DCDC1: variants seen among roughly 807,000 people sequenced by gnomAD.
The protein encoded by DCDC1 is doublecortin domain-containing protein 1.
DCDC1 carries 200 observed loss-of-function variants against 178.3 expected under a neutral mutation model. That is an observed-to-expected ratio of 1.12 (90% CI 1.00 to 1.26). The LOEUF (loss-of-function observed/expected upper bound fraction) is 1.26, where lower values mean the gene tolerates loss of function less well. DCDC1 is among the 50% of genes most tolerant of loss of function. The pLI is 0.00. For synonymous variants in DCDC1, 690 were observed against 604.8 expected (o/e 1.14, Z -2.07); for missense variants, 1,983 against 1,749.2 (o/e 1.13, Z -2.38).
chr11:30,949,123 T>C (rs1948248998), intron 21 of DCDC1, among the ~76,000 whole-genome samples: 1 of 152,084 alleles, frequency 6.6e-6, no homozygotes, highest in African/African-American at 2.4e-5. Flanking sequence ...ATGTCTAATA[T>C]CCAGAATCTA....
chr11:31,282,523 T>G (rs1285413088), intron 7 of DCDC1, among the ~76,000 whole-genome samples: 1 of 152,016 alleles, frequency 6.6e-6, no homozygotes, highest in Non-Finnish European at 1.5e-5. Context: ...CCTGATATAT[T>G]TGGTTATTTA....
At chr11:31,002,667 AC>A (rs1490482239) in intron 20 of DCDC1, among the ~76,000 whole-genome samples, 2 of 152,126 alleles carry the variant, frequency 1.3e-5, no homozygotes, top group African/African-American at 4.8e-5. Context: ...CTTACACACT[AC>A]CTTCATTTTT....
At chr11:31,080,783 C>T (rs1957121874) in intron 17 of DCDC1, among the ~76,000 whole-genome samples, 1 of 152,150 alleles carries the variant, frequency 6.6e-6, no homozygotes, top group South Asian at 2.1e-4. Flanking sequence ...TAACTCAATG[C>T]AGCTTCATTG....
chr11:31,311,517 G>T (rs1948770958), intron 3 of DCDC1, among the ~76,000 whole-genome samples: 1 of 152,152 alleles, frequency 6.6e-6, no homozygotes, highest in South Asian at 2.1e-4. Context: ...ACACTGCTCT[G>T]ATTCTTTTGA....
chr11:31,217,046 T>C (rs1161063902), intron 9 of DCDC1, among the ~76,000 whole-genome samples: 1 of 152,120 alleles, frequency 6.6e-6, no homozygotes, highest in Non-Finnish European at 1.5e-5. Context: ...AAAAGGGCAA[T>C]AAAGAAGGAT....
chr11:31,049,832 A>T (rs1287099237), intron 20 of DCDC1, among the ~76,000 whole-genome samples: 1 of 152,178 alleles, frequency 6.6e-6, no homozygotes, highest in Non-Finnish European at 1.5e-5. Flanking sequence ...GGGGTACAGG[A>T]AGCAGCAGAA....
chr11:30,916,879 T>C lies in DCDC1; in HGVS notation c.3443A>G (p.Lys1148Arg). The change falls in exon 26 of 39, where the codon AAG (lysine) becomes AGG (arginine). Residue 1148 changes from lysine (K) to arginine (R), a missense_variant. Lys to Arg is a conservative substitution (Grantham distance 26). Transcript: ENST00000684477. ...CTTTGCAACTTTTTACCTGTGTTTC[T>C]TCTGTGGTTCCACATTTTCAAAGAG... Reference protein sequence around the residue: ...KGLFENVEPQKKHSCSPKHSK... With the variant: ...KGLFENVEPQRKHSCSPKHSK... The C allele has an allele frequency of 6.2e-7, 1 of 1,603,850 alleles. No homozygotes were observed.
intron 7 of DCDC1, among the ~76,000 whole-genome samples, chr11:31,278,938 C>T (rs1229375212): frequency 6.6e-6 from 1 of 152,130 alleles, no homozygotes; most frequent in South Asian, 2.1e-4. Context: ...GCATTTCTAG[C>T]ATTTCCACGT....
rs146304957 is a variant in DCDC1, at chr11:31,001,557, C to T, written c.2592-48989G>A. On this transcript the variant is annotated intron_variant, in intron 20 of 38. Transcript: ENST00000684477. The stretch of plus-strand genomic sequence containing the variant: ...TCTCTGCCACCGCAGCGAGGCTGAG[C>T]TCCACTCAACAAGCAGGTAGTGAGT... 4.3e-3 allele frequency among the ~76,000 whole-genome samples: 659 copies of T among 152,288 alleles called. 10 individuals carry two copies. Among genetic ancestry groups the T allele is most frequent in the African/African-American group, 0.015 (605 of 41,556 alleles).
At chr11:31,009,731 G>T (rs1230290628) in intron 20 of DCDC1, among the ~76,000 whole-genome samples, 1 of 152,038 alleles carries the variant, frequency 6.6e-6, no homozygotes, top group Non-Finnish European at 1.5e-5. Context: ...ACATTGGGGA[G>T]GTACATTAGT....
At position 31,336,106 on chromosome 11, in the gene DCDC1, G is replaced by C. The variant is rs186636541; in HGVS notation, c.-124-542C>G. On this transcript the variant is annotated intron_variant, in intron 1 of 38. Coordinates refer to ENST00000684477, the MANE Select transcript of DCDC1 (RefSeq NM_001387274.1). ...AATAAACAATAAACATCATAAATAA[G>C]CAAATTGTACAGATGTTAATAGGTA... is the stretch of plus-strand genomic sequence containing the variant. Among the ~76,000 whole-genome samples, 383 of 152,248 alleles carry C rather than the reference G, an allele frequency of 2.5e-3. 2 individuals are homozygous for C. Among genetic ancestry groups the C allele is most frequent in the African/African-American group, 8.3e-3 (345 of 41,540 alleles).
At chr11:30,950,104 G>C (rs1215728452) in intron 21 of DCDC1, among the ~76,000 whole-genome samples, 1 of 152,222 alleles carries the variant, frequency 6.6e-6, no homozygotes, top group East Asian at 1.9e-4. Flanking sequence ...CTAATCATCA[G>C]ATAAATGAAA....
intron 32 of DCDC1, 75 bp downstream of exon 32, chr11:30,903,407 A>G: frequency 7.7e-7 from 1 of 1,302,984 alleles, no homozygotes; most frequent in Non-Finnish European, 1.0e-6. Flanking sequence ...AACTGACTAA[A>G]TGAAATAATC....
chr11:31,258,714 G>T (rs768436732), intron 8 of DCDC1, among the ~76,000 whole-genome samples: 4 of 152,130 alleles, frequency 2.6e-5, no homozygotes, highest in African/African-American at 4.8e-5. Flanking sequence ...TTGGAAACCC[G>T]CCAAAAGTTA....
chr11:30,901,967 T>A lies in DCDC1; in HGVS notation c.4511-1469A>T, dbSNP rs1944708472. On this transcript the variant is annotated intron_variant, in intron 32 of 38. Transcript: ENST00000684477. ...ATATATGTGCGTGTGTGTATATAAA[T>A]ACACAAATGACTATTATTCATATTT... 2.0e-5 allele frequency among the ~76,000 whole-genome samples: 3 copies of A among 152,142 alleles called. No individual in the cohort carries two copies. The South Asian group carries it at 6.2e-4, about 32-fold the overall frequency.
chr11:31,213,221 T>A (rs190222817), intron 9 of DCDC1, among the ~76,000 whole-genome samples: 1 of 147,638 alleles, frequency 6.8e-6, no homozygotes, highest in Admixed American at 6.8e-5. Flanking sequence ...GGCTCTTCAG[T>A]CACTTCACCC....
intron 20 of DCDC1, among the ~76,000 whole-genome samples, chr11:31,044,802 T>C (rs1449132655): frequency 6.6e-6 from 1 of 152,196 alleles, no homozygotes; most frequent in Admixed American, 6.5e-5. Context: ...GAAAACTCGC[T>C]GTGTTTAAAT....
At chr11:31,130,704 G>C (rs1202666250) in intron 10 of DCDC1, among the ~76,000 whole-genome samples, 1 of 152,080 alleles carries the variant, frequency 6.6e-6, no homozygotes, top group East Asian at 1.9e-4. Context: ...AGGTTACTAA[G>C]AGTCAGCCTT....
chr11:30,902,048 A>T (rs1277822878), intron 32 of DCDC1, among the ~76,000 whole-genome samples: 5 of 152,160 alleles, frequency 3.3e-5, no homozygotes, highest in African/African-American at 1.2e-4. Context: ...TATTGAATAT[A>T]TATACACATA....
Sources: gnomAD v4.1 joint callset for allele counts (sites outside exome capture counted in the v4.1 genomes callset) on GRCh38, gnomAD v4.1.1 for gene constraint, MANE v1.5 for transcripts, NCBI Gene and HGNC (gene_info 2026-07-23, HGNC 2026-07-21) for gene names.